The following TBC1D5 variants were observed in gnomAD, a reference collection of about 807,000 sequenced individuals.
The protein encoded by TBC1D5 is TBC1 domain family member 5, also known as TBC1 domain family, member 5.
In TBC1D5, 75 loss-of-function variants were observed where a neutral mutation model predicts 100.3. The ratio of observed to expected loss-of-function variants is 0.75; its 90% CI spans 0.62 to 0.91. The LOEUF is 0.91. TBC1D5 is among the 40% of genes least tolerant of loss of function. TBC1D5 has a pLI of 0.00. For missense variants in TBC1D5, 910 were observed against 942.4 expected (o/e 0.97, Z 0.45); for synonymous variants, 323 against 325.6 (o/e 0.99, Z 0.09).
chr3:17,380,246 T>A (rs2092892780), intron 9 of TBC1D5, among the ~76,000 whole-genome samples: 1 of 152,048 alleles, frequency 6.6e-6, no homozygotes, highest in African/African-American at 2.4e-5. Context: ...TATTTCAAAT[T>A]AATAAATAAA....
At position 17,244,775 on chromosome 3, in the gene TBC1D5, C is replaced by T. The variant is rs1275702552; in HGVS notation, c.1332-6356G>A. On this transcript the variant is annotated intron_variant, in intron 16 of 21. Transcript: ENST00000253692. ...ATGGTTTATATTTATTTCTTCCATG[C>T]TTATAGATATCAATCTATTTGGAAA... is the stretch of plus-strand genomic sequence containing the variant. Among the ~76,000 whole-genome samples the T allele has an allele frequency of 3.3e-5, 5 of 152,164 alleles. No homozygotes were observed. The East Asian group carries it at 5.8e-4, about 18-fold the overall frequency.
chr3:17,163,594 C>T (rs1470752170), intron 21 of TBC1D5, among the ~76,000 whole-genome samples: 1 of 152,200 alleles, frequency 6.6e-6, no homozygotes, highest in Non-Finnish European at 1.5e-5. Context: ...ACACATATCC[C>T]TCTTACCCGC....
intron 15 of TBC1D5, among the ~76,000 whole-genome samples, chr3:17,267,723 T>C (rs1033339332): frequency 9.9e-5 from 15 of 152,148 alleles, no homozygotes; most frequent in Non-Finnish European, 1.6e-4. Flanking sequence ...ATCTTCTTTT[T>C]CCTGTCTTCT....
Position 17,503,516 on chromosome 3 carries a change from C to T in TBC1D5, c.97+4958G>A, listed in dbSNP as rs146745376. Among the ~76,000 whole-genome samples, 136 of 149,620 alleles carry T rather than the reference C, an allele frequency of 9.1e-4. 15 individuals carry two copies. The highest frequency in any genetic ancestry group is 3.3e-3 in the African/African-American group (131 of 39,458). On this transcript the variant is annotated intron_variant, in intron 3 of 21. Transcript: ENST00000253692. ...CCAGCACTTAGAACAATGCCTAGTA[C>T]ACGCAAGGCACTCAAATATTTACTG...
exon 19 of TBC1D5, chr3:17,185,125 C>T: frequency 2.5e-6 from 4 of 1,610,790 alleles, no homozygotes; most frequent in Non-Finnish European, 3.4e-6. Context: ...GAGTGTCCAT[C>T]ACCTTTGCAC....
chr3:17,666,226 T>C (rs1237044601), intron 1 of TBC1D5, among the ~76,000 whole-genome samples: 2 of 152,186 alleles, frequency 1.3e-5, no homozygotes, highest in East Asian at 3.8e-4. Context: ...TCCCTATACA[T>C]AAAGTATTTC....
intron 14 of TBC1D5, among the ~76,000 whole-genome samples, chr3:17,298,372 CTCACA>C (rs1486756801): frequency 6.6e-6 from 1 of 152,168 alleles, no homozygotes; most frequent in East Asian, 1.9e-4. Context: ...TCAACTTTCT[CTCACA>C]TTCCAGTGGA....
chr3:17,499,705 C>T (rs1308101588), intron 3 of TBC1D5, among the ~76,000 whole-genome samples: 1 of 148,016 alleles, frequency 6.8e-6, no homozygotes, highest in Non-Finnish European at 1.5e-5. Flanking sequence ...AAAAAAAAAT[C>T]TAAACCCTTA....
chr3:17,372,787 T>C (rs1409140608), intron 12 of TBC1D5, among the ~76,000 whole-genome samples: 2 of 152,244 alleles, frequency 1.3e-5, no homozygotes, highest in Non-Finnish European at 2.9e-5. Flanking sequence ...AAGGTTATTA[T>C]TCCAAAAATA....
intron 3 of TBC1D5, among the ~76,000 whole-genome samples, chr3:17,492,517 C>A (rs538998789): frequency 6.6e-6 from 1 of 152,132 alleles, no homozygotes; most frequent in African/African-American, 2.4e-5. Flanking sequence ...TCACCACAAC[C>A]TCCATGTCCG....
At chr3:17,507,466 A>C (rs1446374253) in intron 3 of TBC1D5, among the ~76,000 whole-genome samples, 1 of 152,208 alleles carries the variant, frequency 6.6e-6, no homozygotes, top group Admixed American at 6.5e-5. Context: ...CAAAAAGCAT[A>C]AAAATTCTGC....
chr3:17,391,212 A>G (rs879838317), intron 8 of TBC1D5, among the ~76,000 whole-genome samples: 1 of 152,248 alleles, frequency 6.6e-6, no homozygotes, highest in East Asian at 1.9e-4. Context: ...TAAAAACGAC[A>G]TAGCTTCTAC....
intron 2 of TBC1D5, among the ~76,000 whole-genome samples, chr3:17,572,023 G>A (rs2096630385): frequency 1.3e-5 from 2 of 151,930 alleles, no homozygotes; most frequent in Non-Finnish European, 2.9e-5. Flanking sequence ...ACTGCATTAT[G>A]CCCTCACCAT....
intron 13 of TBC1D5, among the ~76,000 whole-genome samples, chr3:17,355,861 CTTTG>C (rs1206354689): frequency 2.0e-5 from 3 of 151,950 alleles, no homozygotes; most frequent in Non-Finnish European, 4.4e-5. Context: ...TCAAAATGTT[CTTTG>C]TTTGATTTTA....
intron 18 of TBC1D5, among the ~76,000 whole-genome samples, chr3:17,186,474 A>G (rs2069084496): frequency 6.6e-6 from 1 of 152,016 alleles, no homozygotes; most frequent in Non-Finnish European, 1.5e-5. Flanking sequence ...TTTGAGAGGC[A>G]GAGGCAGGCA....
At chr3:17,271,422 AGATATACTACT>A (rs1388159176) in intron 15 of TBC1D5, among the ~76,000 whole-genome samples, 6 of 152,174 alleles carry the variant, frequency 3.9e-5, no homozygotes, top group Non-Finnish European at 7.4e-5. Context: ...ATTGGTGTAC[AGATATACTACT>A]GATTTTTCTA....
At chr3:17,324,974 T>C (rs1420332821) in intron 13 of TBC1D5, among the ~76,000 whole-genome samples, 1 of 152,170 alleles carries the variant, frequency 6.6e-6, no homozygotes, top group East Asian at 1.9e-4. Flanking sequence ...ACAAAGTAAT[T>C]GAAACTCTCA....
At chr3:17,255,760 C>T (rs1255509307) in intron 16 of TBC1D5, among the ~76,000 whole-genome samples, 4 of 152,024 alleles carry the variant, frequency 2.6e-5, no homozygotes, top group African/African-American at 7.2e-5. Context: ...AGATTTAGGC[C>T]GGGCGCAGTG....
chr3:17,372,818 G>A (rs895592277), intron 12 of TBC1D5, among the ~76,000 whole-genome samples: 3 of 152,094 alleles, frequency 2.0e-5, no homozygotes, highest in East Asian at 1.9e-4. Flanking sequence ...TGCCAAATAC[G>A]CTTACAGTAG....
Sources: allele counts gnomAD v4.1 joint callset (sites outside exome capture counted in the v4.1 genomes callset), GRCh38; gene constraint gnomAD v4.1.1; transcripts MANE v1.5; gene names NCBI Gene and HGNC (gene_info 2026-07-23, HGNC 2026-07-21).